CORIN: variants seen among roughly 807,000 people sequenced by gnomAD.
CORIN encodes the protein corin, serine peptidase.
A neutral mutation model predicts 125.3 loss-of-function variants in CORIN; 117 were observed. That is an observed-to-expected ratio of 0.93 (90% CI 0.80 to 1.09). CORIN has a LOEUF of 1.09. Among genes scored for constraint, CORIN ranks in the 50% least tolerant of loss-of-function variants. CORIN has a pLI of 0.00. For missense variants in CORIN, 1,253 were observed against 1,306.7 expected (o/e 0.96, Z 0.63); for synonymous variants, 450 against 466.4 (o/e 0.96, Z 0.45).
Position 47,674,555 on chromosome 4 carries a change from A to C in CORIN, c.1250-55T>G. ...TTCATCATCTACAAATTCCTTACCT[A>C]AGGATCTAAAAGATCAGGAATGTCT... On this transcript the variant is annotated intron_variant, in intron 9 of 21. Coordinates refer to ENST00000273857, the MANE Select transcript of CORIN (RefSeq NM_006587.4). 1.2e-5 allele frequency: 12 copies of C among 1,016,526 alleles called. No individual in the cohort carries two copies. The South Asian group carries it at 1.5e-4, about 13-fold the overall frequency. 63.0% of individuals were successfully genotyped at this position (1,016,526 alleles called of 1,614,324 possible).
At chr4:47,694,565 C>A (rs1725902411) in intron 5 of CORIN, among the ~76,000 whole-genome samples, 1 of 151,992 alleles carries the variant, frequency 6.6e-6, no homozygotes, top group Non-Finnish European at 1.5e-5. Flanking sequence ...ATAAGATGAA[C>A]CTTGTTGACT....
chr4:47,669,911 T>G (rs1043950288), intron 10 of CORIN, among the ~76,000 whole-genome samples: 5 of 152,198 alleles, frequency 3.3e-5, no homozygotes, highest in African/African-American at 1.2e-4. Context: ...CCCCTGGATA[T>G]TGTAATTTAG....
Position 47,680,009 on chromosome 4 carries a change from C to G in CORIN, c.1132+132G>C, listed in dbSNP as rs1040894783. ...ACTCAGTGATCTTTACAGGCTAGAA[C>G]CAAAGCATAAGAATCTTTCCCTTGG... On this transcript the variant is annotated intron_variant, in intron 8 of 21. Transcript: ENST00000273857. 22 of 605,206 alleles carry G rather than the reference C, an allele frequency of 3.6e-5. 1 individual carries two copies. The South Asian group carries it at 4.1e-4, about 11-fold the overall frequency. The allele number at this position is 605,206 out of a possible 1,614,324, so 37.5% of individuals were successfully genotyped here. A position where few individuals can be genotyped will look rare whatever the true frequency, so the allele number is the denominator to read the frequency against.
At chr4:47,717,738 T>C (rs1029532819) in intron 5 of CORIN, among the ~76,000 whole-genome samples, 3 of 152,270 alleles carry the variant, frequency 2.0e-5, no homozygotes, top group Non-Finnish European at 4.4e-5. Flanking sequence ...CTAAAGGGCA[T>C]AGCACAGAAT....
intron 11 of CORIN, among the ~76,000 whole-genome samples, chr4:47,663,958 T>C (rs1724360577): frequency 6.6e-6 from 1 of 152,228 alleles, no homozygotes; most frequent in African/African-American, 2.4e-5. Flanking sequence ...CCTGTCTCTA[T>C]AGATGCCCTT....
chr4:47,773,748 A>G (rs1264624315), intron 3 of CORIN, among the ~76,000 whole-genome samples: 1 of 152,030 alleles, frequency 6.6e-6, no homozygotes, highest in Non-Finnish European at 1.5e-5. Flanking sequence ...TTCTTTTAAT[A>G]AATATACCTT....
intron 4 of CORIN, among the ~76,000 whole-genome samples, chr4:47,753,409 T>G (rs1191531895): frequency 6.6e-6 from 1 of 152,178 alleles, no homozygotes; most frequent in Non-Finnish European, 1.5e-5. Context: ...AGAACTAGTC[T>G]GACCTCAACT....
chr4:47,820,519 G>A (rs999312696), intron 1 of CORIN, among the ~76,000 whole-genome samples: 1 of 152,086 alleles, frequency 6.6e-6, no homozygotes, highest in South Asian at 2.1e-4. Flanking sequence ...GCTCTTATGA[G>A]AAATGAAAAA....
chr4:47,709,414 C>A (rs1726737831), intron 5 of CORIN, among the ~76,000 whole-genome samples: 1 of 152,086 alleles, frequency 6.6e-6, no homozygotes, highest in Admixed American at 6.6e-5. Flanking sequence ...CTACCTCAGT[C>A]CCCAAGTAGC....
intron 5 of CORIN, among the ~76,000 whole-genome samples, chr4:47,741,315 CA>C (rs1170048089): frequency 6.6e-6 from 1 of 151,958 alleles, no homozygotes; most frequent in Non-Finnish European, 1.5e-5. Flanking sequence ...AAATGGCTAA[CA>C]CTAACAAGCA....
intron 5 of CORIN, among the ~76,000 whole-genome samples, chr4:47,742,367 T>C (rs1208022168): frequency 6.6e-6 from 1 of 151,998 alleles, no homozygotes; most frequent in Non-Finnish European, 1.5e-5. Context: ...GATGACATGA[T>C]TGTGTACTTA....
Position 47,623,750 on chromosome 4 carries a change from C to G in CORIN, c.2366-5G>C. On this transcript the variant is annotated splice_region_variant and splice_polypyrimidine_tract_variant and intron_variant, in intron 18 of 21. Transcript: ENST00000273857. ...CAGCAGGGCGGCGCCCACAGTCTACCAAGGAGCAGAAGACACAGTTTGTGA... is the reference window on the plus strand; with the variant it reads ...CAGCAGGGCGGCGCCCACAGTCTACGAAGGAGCAGAAGACACAGTTTGTGA... 1 of 1,614,096 alleles carries G rather than the reference C, an allele frequency of 6.2e-7. No homozygotes were observed.
chr4:47,761,881 A>G (rs1343445947), intron 4 of CORIN, among the ~76,000 whole-genome samples: 2 of 152,112 alleles, frequency 1.3e-5, no homozygotes, highest in Non-Finnish European at 2.9e-5. Context: ...CAGTACTCCC[A>G]GCTAGCTGAG....
intron 20 of CORIN, among the ~76,000 whole-genome samples, chr4:47,601,926 A>T (rs1183164330): frequency 4.6e-5 from 7 of 152,162 alleles, no homozygotes; most frequent in African/African-American, 1.7e-4. Context: ...ACAATTTCTA[A>T]GGCCAATAAC....
In CORIN at chr4:47,687,131, A is replaced by G. The variant is rs1015847712; in HGVS notation, c.914-3293T>C. 2.0e-5 allele frequency among the ~76,000 whole-genome samples: 3 copies of G among 152,200 alleles called. No homozygotes were observed. The South Asian group carries it at 6.2e-4, about 32-fold the overall frequency. On this transcript the variant is annotated intron_variant, in intron 6 of 21. Coordinates refer to ENST00000273857, the MANE Select transcript of CORIN (RefSeq NM_006587.4). ...ATTATAACTTGCTTGGTTAGAAGCC[A>G]TTTTTAGAAGTGAGATACAAAATGA... is the stretch of plus-strand genomic sequence containing the variant.
chr4:47,790,267 C>A, intron 2 of CORIN: 1 of 921,930 alleles, frequency 1.1e-6, no homozygotes. Context: ...AAAAATGGCT[C>A]CCCGGCAGAA....
chr4:47,828,251 A>G (rs1732824925), intron 1 of CORIN, among the ~76,000 whole-genome samples: 1 of 152,172 alleles, frequency 6.6e-6, no homozygotes, highest in South Asian at 2.1e-4. Context: ...TTTTGTTCTA[A>G]CTTTTGTTCT....
At chr4:47,673,649 ATTTTAG>A (rs1734490994) in intron 10 of CORIN, among the ~76,000 whole-genome samples, 2 of 152,132 alleles carry the variant, frequency 1.3e-5, no homozygotes, top group Non-Finnish European at 1.5e-5. Flanking sequence ...CCTGAAAGTC[ATTTTAG>A]AGCCACCTGC....
In CORIN at chr4:47,614,390, T is replaced by C. The variant is rs183881755; in HGVS notation, c.2540+9181A>G. Among the ~76,000 whole-genome samples the C allele has an allele frequency of 4.7e-3, 717 of 152,064 alleles. 6 individuals carry two copies. Among genetic ancestry groups the C allele is most frequent in the Non-Finnish European group, 4.0e-3 (274 of 67,986 alleles). ...TTTTCTATTTTCAGTAGAGATGCGGTTTCACCATATTTTATCCAGGCTGGT... is the reference window on the plus strand; with the variant it reads ...TTTTCTATTTTCAGTAGAGATGCGGCTTCACCATATTTTATCCAGGCTGGT... On this transcript the variant is annotated intron_variant, in intron 19 of 21. Transcript: ENST00000273857.
Sources: gnomAD v4.1 joint callset for allele counts (sites outside exome capture counted in the v4.1 genomes callset) on GRCh38, gnomAD v4.1.1 for gene constraint, MANE v1.5 for transcripts, NCBI Gene and HGNC (gene_info 2026-07-23, HGNC 2026-07-21) for gene names.